Variants in DOK7 observed in about 807,000 individuals in gnomAD.
The protein encoded by DOK7 is protein Dok-7.
In DOK7, 32 loss-of-function variants were observed where a neutral mutation model predicts 30.7. The observed-to-expected ratio is 1.04, with a 90% CI of 0.79 to 1.40. DOK7 has a LOEUF of 1.40. DOK7 is among the 40% of genes most tolerant of loss of function. The pLI is 0.00. For synonymous variants in DOK7, 447 were observed against 324.1 expected, an observed-to-expected ratio of 1.38 and a Z score of -4.07; for missense variants, 1,007 against 699.2, an observed-to-expected ratio of 1.44 and a Z score of -4.97.
intron 5 of DOK7, among the ~76,000 whole-genome samples, chr4:3,486,774 G>C (rs569203557): frequency 1.3e-5 from 2 of 152,130 alleles, no homozygotes; most frequent in Admixed American, 6.5e-5. Context: ...AGGCAGGTGT[G>C]GATGGTGTGG....
chr4:3,479,439 C>T (rs527977089), intron 4 of DOK7, among the ~76,000 whole-genome samples: 2 of 152,364 alleles, frequency 1.3e-5, no homozygotes, highest in South Asian at 4.1e-4. Flanking sequence ...ATCTGAATCC[C>T]AATAAGTCTG....
At chr4:3,469,955 AT>A (rs1726662303) in intron 2 of DOK7, among the ~76,000 whole-genome samples, 1 of 152,134 alleles carries the variant, frequency 6.6e-6, no homozygotes, top group South Asian at 2.1e-4. Flanking sequence ...TGAAAATGAA[AT>A]CGGTGGTTTG....
In DOK7 at chr4:3,484,449, C is replaced by T. The variant is rs895598874; in HGVS notation, c.533-1090C>T. On this transcript the variant is annotated intron_variant, in intron 4 of 6. Transcript: ENST00000340083. ...GGCGCCTTCCCTCCTGCGTACCTTT[C>T]TTTGGGCAATGGGCAGAGGCCCCGG... The T allele has an allele frequency of 1.5e-5, 15 of 979,140 alleles. No individual in the cohort carries two copies. In the African/African-American group the frequency reaches 1.9e-4, roughly 13 times the overall value. 60.7% of individuals were successfully genotyped at this position (979,140 alleles called of 1,614,324 possible).
chr4:3,469,858 G>A (rs1726653463), intron 2 of DOK7, among the ~76,000 whole-genome samples: 1 of 152,186 alleles, frequency 6.6e-6, no homozygotes, highest in Admixed American at 6.5e-5. Flanking sequence ...AGCGTGAGGG[G>A]GTGGGCGTCA....
At chr4:3,494,637 T>C (rs1000002013), downstream of DOK7, among the ~76,000 whole-genome samples, 1 of 152,176 alleles carries the variant, frequency 6.6e-6, no homozygotes, top group Non-Finnish European at 1.5e-5. Context: ...GCCTTGGGCC[T>C]GAATGCTGTG....
downstream of DOK7, chr4:3,494,558 C>T (rs2699413): frequency 0.022 from 21,246 of 978,734 alleles, 247 homozygotes; most frequent in Middle Eastern, 0.054. Context: ...TGCCTGGATG[C>T]GAAGTCCCCG....
chr4:3,467,870 C>T (rs1726400087), intron 2 of DOK7, among the ~76,000 whole-genome samples: 1 of 152,200 alleles, frequency 6.6e-6, no homozygotes, highest in East Asian at 1.9e-4. Context: ...GGCGCTTTCT[C>T]TGTCCTTATA....
At chr4:3,491,441 TC>T (rs1560229589) in intron 6 of DOK7, among the ~76,000 whole-genome samples, 2 of 83,324 alleles carry the variant, frequency 2.4e-5, no homozygotes, top group Non-Finnish European at 5.6e-5. Flanking sequence ...CTCATTCATT[TC>T]TTTCTTCTCT....
chr4:3,465,236 C>T (rs542705677), intron 2 of DOK7, among the ~76,000 whole-genome samples: 3 of 152,322 alleles, frequency 2.0e-5, no homozygotes, highest in African/African-American at 4.8e-5. Flanking sequence ...CTCACGCCCA[C>T]CTCCCCACCC....
rs992134227 is a variant in DOK7, at chr4:3,500,319, G to A, written c.1177G>A (p.Val393Met). The A allele has an allele frequency of 1.8e-5, 27 of 1,535,858 alleles. No individual in the cohort carries two copies. The highest frequency in any genetic ancestry group is 1.7e-4 in the Middle Eastern group (1 of 6,012). The stretch of plus-strand genomic sequence containing the variant: ...GCCGCGCGGCGAGTCGCCCACTTAC[G>A]TGAACATCCCCGTCAGCCCATCCTC... Residue 393 changes from valine to methionine, a missense_variant, in exon 7 of 8, where the codon GTG (valine) becomes ATG (methionine). Physicochemically the swap from Val to Met is conservative, Grantham distance 21. Coordinates refer to the DOK7 transcript ENST00000643608.
At chr4:3,469,384 C>G (rs903190225) in intron 2 of DOK7, among the ~76,000 whole-genome samples, 1 of 152,172 alleles carries the variant, frequency 6.6e-6, no homozygotes, top group African/African-American at 2.4e-5. Context: ...CAAAAGCCTT[C>G]CCTGGCCAGG....
chr4:3,492,251 T>C (rs954445750), intron 6 of DOK7, among the ~76,000 whole-genome samples: 7 of 151,362 alleles, frequency 4.6e-5, no homozygotes, highest in Non-Finnish European at 5.9e-5. Context: ...GCCAGCATGG[T>C]GAGGGCAGGG....
At chr4:3,498,304 C>A (rs1385208084), downstream of DOK7, among the ~76,000 whole-genome samples, 1 of 152,178 alleles carries the variant, frequency 6.6e-6, no homozygotes, top group East Asian at 1.9e-4. Flanking sequence ...GGGGGAGATA[C>A]AGATACGGAC....
At chr4:3,465,341 C>T (rs1311802052) in intron 2 of DOK7, among the ~76,000 whole-genome samples, 2 of 152,186 alleles carry the variant, frequency 1.3e-5, no homozygotes, top group Non-Finnish European at 2.9e-5. Flanking sequence ...GCCCCCTTTG[C>T]CTTCACCCAG....
chr4:3,486,207 G>A lies in DOK7; in HGVS notation c.652+549G>A, dbSNP rs777901119. On this transcript the variant is annotated intron_variant, in intron 5 of 6. Transcript: ENST00000340083. ...CACCCACACTTCCTTGGCTGTGGCT[G>A]CGGCACTCTCTGCAGGAGTCCTTGG... Among the ~76,000 whole-genome samples, 46 of 152,224 alleles carry A rather than the reference G, an allele frequency of 3.0e-4. 1 individual carries two copies. The highest frequency in any genetic ancestry group is 5.9e-5 in the Non-Finnish European group (4 of 68,028).
intron 2 of DOK7, among the ~76,000 whole-genome samples, chr4:3,468,307 C>A (rs368180450): frequency 6.8e-6 from 1 of 146,708 alleles, no homozygotes; most frequent in Admixed American, 6.9e-5. Flanking sequence ...TGTGCACATG[C>A]GTGTGAATAC....
chr4:3,490,513 TTTCCTTCACCCCCCCGCTCATTCG>T (rs1728258022), intron 6 of DOK7, among the ~76,000 whole-genome samples: 1 of 87,272 alleles, frequency 1.1e-5, no homozygotes, highest in African/African-American at 5.2e-5. Flanking sequence ...CTGCTCATTC[TTTCCTTCACCCCCCCGCTCATTCG>T]TTCCTTCCTT....
rs1265790570 is a variant in DOK7, at chr4:3,494,336, T to A, written c.*835T>A. The A allele has an allele frequency of 1.0e-6, 1 of 985,662 alleles. No individual in the cohort carries two copies. The highest frequency in any genetic ancestry group is 1.2e-6 in the Non-Finnish European group (1 of 830,204). The allele number at this position is 985,662 out of a possible 1,614,324, so 61.1% of individuals were successfully genotyped here. A position where few individuals can be genotyped will look rare whatever the true frequency, so the allele number is the denominator to read the frequency against. On this transcript the variant is annotated 3_prime_UTR_variant, in exon 7 of 7. Coordinates refer to ENST00000340083, the MANE Select transcript of DOK7 (RefSeq NM_173660.5). The stretch of plus-strand genomic sequence containing the variant: ...GTGTTGGGCCCATTGTCCCCCGCCC[T>A]GGGTGGCTTCCTCTTGCACAGCCTG...
chr4:3,471,910 G>A (rs1577146606), intron 2 of DOK7, among the ~76,000 whole-genome samples: 1 of 152,254 alleles, frequency 6.6e-6, no homozygotes, highest in East Asian at 1.9e-4. Context: ...GGAAGTGAAC[G>A]CACTGTCGCC....
Sources: gnomAD v4.1 joint callset for allele counts (sites outside exome capture counted in the v4.1 genomes callset) on GRCh38, gnomAD v4.1.1 for gene constraint, MANE v1.5 for transcripts, NCBI Gene and HGNC (gene_info 2026-07-23, HGNC 2026-07-21) for gene names.